Variants in CCDC192 observed in about 807,000 individuals in gnomAD.
CCDC192 encodes coiled-coil domain containing 192.
chr5:127,727,916 A>C (rs908189976), intron 2 of CCDC192, among the ~76,000 whole-genome samples: 1 of 152,222 alleles, frequency 6.6e-6, no homozygotes, highest in Non-Finnish European at 1.5e-5. Context: ...TCTACAGCCA[A>C]ATAGACCAGG....
At chr5:127,749,797 T>G (rs1754022869) in intron 2 of CCDC192, among the ~76,000 whole-genome samples, 1 of 152,214 alleles carries the variant, frequency 6.6e-6, no homozygotes, top group East Asian at 1.9e-4. Context: ...GAGATCCTGT[T>G]ATTGGTCTAT....
chr5:127,747,172 C>A (rs867734049), intron 2 of CCDC192, among the ~76,000 whole-genome samples: 2 of 150,816 alleles, frequency 1.3e-5, no homozygotes, highest in Non-Finnish European at 2.9e-5. Context: ...TAGTTACATA[C>A]GTATACATGT....
intron 5 of CCDC192, among the ~76,000 whole-genome samples, chr5:127,864,369 A>G (rs185364139): frequency 6.6e-6 from 1 of 152,322 alleles, no homozygotes; most frequent in Non-Finnish European, 1.5e-5. Context: ...CCTACCTGCT[A>G]TCCGTGCATA....
At chr5:127,789,216 G>C (rs1756732051) in intron 3 of CCDC192, among the ~76,000 whole-genome samples, 1 of 152,196 alleles carries the variant, frequency 6.6e-6, no homozygotes, top group Non-Finnish European at 1.5e-5. Flanking sequence ...AATGAGTTTT[G>C]AGCTTCAGGC....
At chr5:127,880,935 G>C (rs745706116) in intron 6 of CCDC192, among the ~76,000 whole-genome samples, 3 of 152,136 alleles carry the variant, frequency 2.0e-5, no homozygotes, top group Non-Finnish European at 4.4e-5. Context: ...AGCCGAGATT[G>C]CACCACTGCA....
chr5:127,880,030 C>T (rs949853493), intron 6 of CCDC192, among the ~76,000 whole-genome samples: 30 of 152,074 alleles, frequency 2.0e-4, no homozygotes, highest in African/African-American at 5.8e-4. Context: ...GTCAGTGTGG[C>T]GATTCCTCAG....
intron 6 of CCDC192, among the ~76,000 whole-genome samples, chr5:127,903,341 C>G (rs1159532249): frequency 6.6e-6 from 1 of 151,794 alleles, no homozygotes; most frequent in Non-Finnish European, 1.5e-5. Context: ...CTCCCAGGTT[C>G]ACGTGATTCT....
At chr5:127,905,398 C>T (rs1380977962) in intron 6 of CCDC192, among the ~76,000 whole-genome samples, 1 of 152,030 alleles carries the variant, frequency 6.6e-6, no homozygotes, top group Non-Finnish European at 1.5e-5. Flanking sequence ...TGACTATTCC[C>T]TTTATTTGTG....
chr5:127,825,220 A>G (rs1455788662), intron 5 of CCDC192, among the ~76,000 whole-genome samples: 1 of 152,268 alleles, frequency 6.6e-6, no homozygotes, highest in Non-Finnish European at 1.5e-5. Context: ...CACATCATCC[A>G]CAATGGCATA....
At chr5:127,890,250 G>A (rs1019445880) in intron 6 of CCDC192, among the ~76,000 whole-genome samples, 2 of 152,088 alleles carry the variant, frequency 1.3e-5, no homozygotes, top group African/African-American at 4.8e-5. Context: ...AGTGGTGCAT[G>A]CTTGTAGTTT....
intron 6 of CCDC192, among the ~76,000 whole-genome samples, chr5:127,891,347 C>T (rs1318437532): frequency 6.6e-6 from 1 of 152,196 alleles, no homozygotes; most frequent in East Asian, 1.9e-4. Flanking sequence ...CACCACTGTG[C>T]CCAGCCGAAA....
At chr5:127,776,749 C>A (rs1755885819) in intron 3 of CCDC192, among the ~76,000 whole-genome samples, 1 of 152,180 alleles carries the variant, frequency 6.6e-6, no homozygotes, top group African/African-American at 2.4e-5. Context: ...TCCAGCCACT[C>A]CAGTCATGGC....
chr5:127,773,034 G>A (rs1755653405), intron 3 of CCDC192, among the ~76,000 whole-genome samples: 1 of 152,068 alleles, frequency 6.6e-6, no homozygotes, highest in African/African-American at 2.4e-5. Context: ...TATTTGAGGA[G>A]AAAGTTGAGG....
chr5:127,862,376 A>G (rs1751406226), intron 5 of CCDC192, among the ~76,000 whole-genome samples: 1 of 152,210 alleles, frequency 6.6e-6, no homozygotes, highest in Non-Finnish European at 1.5e-5. Flanking sequence ...CCTCATGGAT[A>G]CAAGCATACA....
intron 2 of CCDC192, among the ~76,000 whole-genome samples, chr5:127,716,576 T>G (rs1023050872): frequency 6.6e-6 from 1 of 152,170 alleles, no homozygotes; most frequent in Non-Finnish European, 1.5e-5. Context: ...TTGTTATTGG[T>G]CAGTCCAGGT....
chr5:127,736,534 A>G (rs1298916931), intron 2 of CCDC192, among the ~76,000 whole-genome samples: 8 of 151,932 alleles, frequency 5.3e-5, no homozygotes, highest in Non-Finnish European at 1.2e-4. Flanking sequence ...CTCTGGTAGA[A>G]TTCGGCTGTG....
Position 127,719,524 on chromosome 5 carries a change from TACACAC to T in CCDC192, c.114+11766_114+11771del, listed in dbSNP as rs1438306665. Among the ~76,000 whole-genome samples, 530 of 88,032 alleles carry T rather than the reference TACACAC, an allele frequency of 6.0e-3. 26 individuals are homozygous for T. In the Middle Eastern group the frequency reaches 0.084, roughly 14 times the overall value. The allele number at this position is 88,032 out of a possible 152,430, so 57.8% of individuals were successfully genotyped here. A position where few individuals can be genotyped will look rare whatever the true frequency, so the allele number is the denominator to read the frequency against. ...ACACATACATATATATATATATATA[TACACAC>T]ATACATATATATATATATATATATA... On this transcript the variant is annotated intron_variant, in intron 2 of 6. Transcript: ENST00000514853.
At chr5:127,912,619 G>A (rs146561697) in intron 6 of CCDC192, among the ~76,000 whole-genome samples, 2 of 152,184 alleles carry the variant, frequency 1.3e-5, no homozygotes, top group African/African-American at 4.8e-5. Context: ...TATCAGAGGT[G>A]GATTCCTTGT....
chr5:127,796,333 T>A (rs1488195576), intron 3 of CCDC192, among the ~76,000 whole-genome samples: 4 of 152,216 alleles, frequency 2.6e-5, no homozygotes, highest in African/African-American at 4.8e-5. Context: ...AATCCATGCT[T>A]CAGAGAATGC....
Sources: allele counts gnomAD v4.1 joint callset (sites outside exome capture counted in the v4.1 genomes callset), GRCh38; gene constraint gnomAD v4.1.1; transcripts MANE v1.5; gene names NCBI Gene and HGNC (gene_info 2026-07-23, HGNC 2026-07-21).